The following SLITRK2 variants were observed in gnomAD, a reference collection of about 807,000 sequenced individuals.
The protein encoded by SLITRK2 is SLIT and NTRK like family member 2, also known as SLIT and NTRK-like protein 2.
In SLITRK2, 13 loss-of-function variants were observed where a neutral mutation model predicts 35.4. That is an observed-to-expected ratio of 0.37 (90% CI 0.24 to 0.58). The LOEUF is 0.58. Among genes scored for constraint, SLITRK2 ranks in the 20% least tolerant of loss-of-function variants. The probability of loss-of-function intolerance (pLI) is 0.75; values close to 1 mark genes in which losing one functional copy is unlikely to be tolerated. For synonymous variants in SLITRK2, 294 were observed against 264.7 expected (o/e 1.11, Z -1.07); for missense variants, 471 against 634.3 (o/e 0.74, Z 2.76).
Position 145,824,370 on chromosome X carries a change from G to A in SLITRK2, c.1945G>A (p.Gly649Arg), listed in dbSNP as rs2073081377. The A allele has an allele frequency of 1.7e-6, 2 of 1,208,906 alleles. No homozygotes were observed. The highest frequency in any genetic ancestry group is 2.2e-5 in the Admixed American group (1 of 45,575). The change falls in exon 5 of 5, where the codon GGA becomes AGA. Residue 649 changes from glycine (G) to arginine (R), a missense_variant. By Grantham distance (125) the Gly-to-Arg change is moderately radical (BLOSUM62 -2). Around this residue, in one of 7 missense-constraint regions of SLITRK2, gnomAD observed 190 missense variants for 199.3 expected, o/e 0.95. Transcript: ENST00000335565. ...LFVFVLKRRK[G>R]VPSVPRNTNN... ...CGTCTTTGTCTTGAAACGCCGAAAG[G>A]GAGTGCCGAGCGTTCCCAGGAATAC... is the stretch of plus-strand genomic sequence containing the variant.
rs1223994758 is a variant in SLITRK2 at position 145,821,873 on chromosome X, T to C, written c.-204T>C. The C allele has an allele frequency of 8.9e-6, 1 of 111,756 alleles. No individual in the cohort carries two copies. The highest frequency in any genetic ancestry group is 1.9e-5 in the Non-Finnish European group (1 of 53,704). The allele number at this position is 111,756 out of a possible 1,213,427, so 9.2% of individuals were successfully genotyped here. A position where few individuals can be genotyped will look rare whatever the true frequency, so the allele number is the denominator to read the frequency against. On this transcript the variant is annotated 5_prime_UTR_variant, in exon 3 of 5. Transcript: ENST00000335565. Reference sequence around the variant, plus strand: ...GACTGCAGAGGAGAGGGATTCAGTCTTCTCCTGATGTGTGAGTAACCCCCA... The same window carrying C: ...GACTGCAGAGGAGAGGGATTCAGTCCTCTCCTGATGTGTGAGTAACCCCCA...
chrX:145,822,492 A>G lies in SLITRK2; in HGVS notation c.67A>G (p.Lys23Glu). The G allele has an allele frequency of 8.3e-7, 1 of 1,211,230 alleles. No individual in the cohort carries two copies. The highest frequency in any genetic ancestry group is 1.1e-6 in the Non-Finnish European group (1 of 895,151). ...CGGGATCTTACAGACAGAGAGTCGC[A>G]AAACTGCCAAAGACATTTGCAAGAT... The part of the protein sequence containing the change: ...VAGILQTESR[K>E]TAKDICKIRC... Residue 23 changes from lysine to glutamate, a missense_variant, in exon 5 of 5, where the codon AAA (lysine) becomes GAA (glutamate). Physicochemically the swap from Lys to Glu is moderately conservative, Grantham distance 56. Transcript: ENST00000335565.
Position 145,827,176 on chromosome X carries a change from A to G in SLITRK2, c.*2213A>G, listed in dbSNP as rs2073134265. ...CATTTCACAGAAGAGGAACTAGAAT[A>G]TTATGCTAGTTGAATGTGGAGAAGA... On this transcript the variant is annotated 3_prime_UTR_variant, in exon 5 of 5. Transcript: ENST00000335565. 1.8e-5 allele frequency: 2 copies of G among 111,928 alleles called. No homozygotes were observed. The highest frequency in any genetic ancestry group is 7.4e-4 in the South Asian group (2 of 2,716). The allele number at this position is 111,928 out of a possible 1,213,427, so 9.2% of individuals were successfully genotyped here.
rs1556946151 is a variant in SLITRK2, at chrX:145,827,751, T to C, written c.*2788T>C. 1 of 1,204,762 alleles carries C rather than the reference T, an allele frequency of 8.3e-7. No individual in the cohort carries two copies. Among genetic ancestry groups the C allele is most frequent in the African/African-American group, 1.7e-5 (1 of 57,266 alleles). ...GAACCTTTATTTTCTAATGCAATCA[T>C]AAACATTTTAAGTTTTATTAACTCA... On this transcript the variant is annotated 3_prime_UTR_variant, in exon 5 of 5. Transcript: ENST00000335565.
chrX:145,827,408 C>T lies in SLITRK2; in HGVS notation c.*2445C>T, dbSNP rs2073136024. 2 of 203,325 alleles carry T rather than the reference C, an allele frequency of 9.8e-6. No homozygotes were observed. Among genetic ancestry groups the T allele is most frequent in the Admixed American group, 6.9e-5 (1 of 14,458 alleles). 16.8% of individuals were successfully genotyped at this position (203,325 alleles called of 1,213,427 possible). ...ATTATATGACTAGAGGCTCTTGATGCAGTGATTCCACTTCAGTGTTCATTT... is the reference window on the plus strand; with the variant it reads ...ATTATATGACTAGAGGCTCTTGATGTAGTGATTCCACTTCAGTGTTCATTT... On this transcript the variant is annotated 3_prime_UTR_variant, in exon 5 of 5. Transcript: ENST00000335565.
In SLITRK2 at chrX:145,825,304, G is replaced by A. The variant is rs1196822911; in HGVS notation, c.*341G>A. 1 of 192,074 alleles carries A rather than the reference G, an allele frequency of 5.2e-6. No homozygotes were observed. Among genetic ancestry groups the A allele is most frequent in the Non-Finnish European group, 1.0e-5 (1 of 100,138 alleles). The allele number at this position is 192,074 out of a possible 1,213,427, so 15.8% of individuals were successfully genotyped here. ...TCTTTTTTCTTCTTTGTTTTTCAGT[G>A]TGGGAGTGGGAAGAGGAGATTATAG... is the stretch of plus-strand genomic sequence containing the variant. On this transcript the variant is annotated 3_prime_UTR_variant, in exon 5 of 5. Coordinates refer to ENST00000335565, the MANE Select transcript of SLITRK2 (RefSeq NM_032539.5).
At position 145,826,250 on chromosome X, in the gene SLITRK2, C is replaced by T. The variant is rs2073125880; in HGVS notation, c.*1287C>T. ...TTTATTTTAGATCACGGGTTAGACT[C>T]ATAATCCTTCTCAAGTTTAACACTT... On this transcript the variant is annotated 3_prime_UTR_variant, in exon 5 of 5. Coordinates refer to ENST00000335565, the MANE Select transcript of SLITRK2 (RefSeq NM_032539.5). The T allele has an allele frequency of 8.9e-6, 1 of 111,748 alleles. No individual in the cohort carries two copies. Among genetic ancestry groups the T allele is most frequent in the Non-Finnish European group, 1.9e-5 (1 of 53,119 alleles). The allele number at this position is 111,748 out of a possible 1,213,427, so 9.2% of individuals were successfully genotyped here.
Position 145,828,197 on chromosome X carries a change from C to T in SLITRK2, c.*3234C>T, listed in dbSNP as rs1476366112. 1 of 377,304 alleles carries T rather than the reference C, an allele frequency of 2.7e-6. No individual in the cohort carries two copies. The highest frequency in any genetic ancestry group is 2.6e-5 in the African/African-American group (1 of 38,317). 31.1% of individuals were successfully genotyped at this position (377,304 alleles called of 1,213,427 possible). On this transcript the variant is annotated 3_prime_UTR_variant, in exon 5 of 5. Coordinates refer to ENST00000335565, the MANE Select transcript of SLITRK2 (RefSeq NM_032539.5). ...TGTGTGCCTTGTTAGTTCTCTCCAG[C>T]AGCTGGTGAGTAAGGAAATGACCCT... is the stretch of plus-strand genomic sequence containing the variant.
At chrX:145,820,105 A>G (rs1175026823) in intron 1 of SLITRK2, 4 of 112,015 alleles carry the variant, frequency 3.6e-5, no homozygotes, top group South Asian at 3.8e-4. Context: ...GTGTTTATCT[A>G]TTCCACATTT....
At chrX:145,822,224 A>G (rs1417406995) in intron 4 of SLITRK2, 71 bp downstream of exon 4, 1 of 408,860 alleles carries the variant, frequency 2.4e-6, no homozygotes, top group Non-Finnish European at 4.2e-6. Context: ...AGCGGAGAAA[A>G]GAAACCGCTT....
Position 145,826,561 on chromosome X carries a change from A to G in SLITRK2, c.*1598A>G. On this transcript the variant is annotated 3_prime_UTR_variant, in exon 5 of 5. Coordinates refer to ENST00000335565, the MANE Select transcript of SLITRK2 (RefSeq NM_032539.5). ...GTAAATAATTTTAGATGCAAACGTG[A>G]TTGTGTGATTTAAACAAACAGCCCT... 8.9e-6 allele frequency: 1 copy of G among 112,170 alleles called. No homozygotes were observed. The highest frequency in any genetic ancestry group is 2.8e-4 in the East Asian group (1 of 3,577). 9.2% of individuals were successfully genotyped at this position (112,170 alleles called of 1,213,427 possible).
At position 145,827,354 on chromosome X, in the gene SLITRK2, T is replaced by G. The variant is rs2124226951; in HGVS notation, c.*2391T>G. ...GATTGTGAAGGCAAATTTGCATATA[T>G]ATTCTGTTAAGATCATTTTCAGGCT... is the stretch of plus-strand genomic sequence containing the variant. On this transcript the variant is annotated 3_prime_UTR_variant, in exon 5 of 5. Coordinates refer to ENST00000335565, the MANE Select transcript of SLITRK2 (RefSeq NM_032539.5). 1 of 136,760 alleles carries G rather than the reference T, an allele frequency of 7.3e-6. No individual in the cohort carries two copies. Among genetic ancestry groups the G allele is most frequent in the South Asian group, 2.7e-4 (1 of 3,719 alleles). 11.3% of individuals were successfully genotyped at this position (136,760 alleles called of 1,213,427 possible). A position where few individuals can be genotyped will look rare whatever the true frequency, so the allele number is the denominator to read the frequency against.
In SLITRK2 at chrX:145,824,393, T is replaced by C. The variant is rs368737419; in HGVS notation, c.1968T>C (p.Asn656=). The change falls in exon 5 of 5, where the codon AAT becomes AAC. Residue 656 remains asparagine (N), a synonymous_variant. Coordinates refer to ENST00000335565, the MANE Select transcript of SLITRK2 (RefSeq NM_032539.5). ...RRKGVPSVPR[N]TNNLDVSSFQ... is the part of the protein sequence containing the mutation. ...AGGGAGTGCCGAGCGTTCCCAGGAA[T>C]ACCAACAACTTAGACGTAAGCTCCT... is the stretch of plus-strand genomic sequence containing the variant. 2 of 1,208,898 alleles carry C rather than the reference T, an allele frequency of 1.7e-6. No individual in the cohort carries two copies. The highest frequency in any genetic ancestry group is 1.8e-5 in the South Asian group (1 of 56,713).
In SLITRK2 at chrX:145,827,570, C is replaced by A; in HGVS notation, c.*2607C>A. On this transcript the variant is annotated 3_prime_UTR_variant, in exon 5 of 5. Coordinates refer to ENST00000335565, the MANE Select transcript of SLITRK2 (RefSeq NM_032539.5). Reference sequence around the variant, plus strand: ...ATTTTAAAGACGCCTACTGAGAGAACTCAAATTTATAAACTCTGTTGCCTA... The same window carrying A: ...ATTTTAAAGACGCCTACTGAGAGAAATCAAATTTATAAACTCTGTTGCCTA... 1 of 762,855 alleles carries A rather than the reference C, an allele frequency of 1.3e-6. No individual in the cohort carries two copies. Among genetic ancestry groups the A allele is most frequent in the Non-Finnish European group, 1.8e-6 (1 of 554,133 alleles). The allele number at this position is 762,855 out of a possible 1,213,427, so 62.9% of individuals were successfully genotyped here. A position where few individuals can be genotyped will look rare whatever the true frequency, so the allele number is the denominator to read the frequency against.
rs782100035 is a variant in SLITRK2, at chrX:145,822,725, G to T, written c.300G>T (p.Glu100Asp). 6.6e-6 allele frequency: 8 copies of T among 1,211,152 alleles called. No individual in the cohort carries two copies. Among genetic ancestry groups the T allele is most frequent in the Admixed American group, 2.2e-5 (1 of 46,009 alleles). Residue 100 changes from glutamate (E) to aspartate (D), a missense_variant, in exon 5 of 5, where the codon GAG (glutamate) becomes GAT (aspartate). By Grantham distance (45) the Glu-to-Asp change is conservative (BLOSUM62 2). This residue lies in a region of SLITRK2 where 98 missense variants were observed against 120.6 expected (regional missense o/e 0.81). Coordinates refer to ENST00000335565, the MANE Select transcript of SLITRK2 (RefSeq NM_032539.5). Reference protein sequence around the residue: ...TLHLGNNGLQEIRTGAFSGLK... With the variant: ...TLHLGNNGLQDIRTGAFSGLK... ...ACCTAGGTAACAACGGGTTACAGGA[G>T]ATCCGAACGGGGGCATTCAGTGGCC...
intron 2 of SLITRK2, 48 bp from the exon 3 acceptor site, chrX:145,821,300 C>T (rs1197221447): frequency 1.8e-5 from 2 of 109,357 alleles, no homozygotes; most frequent in Non-Finnish European, 3.8e-5. Flanking sequence ...TTAGCAGGGC[C>T]CCTCCTTGAG....
chrX:145,823,322 G>A lies in SLITRK2; in HGVS notation c.897G>A (p.Pro299=), dbSNP rs782289726. The A allele has an allele frequency of 6.6e-6, 8 of 1,211,323 alleles. No individual in the cohort carries two copies. In the East Asian group the frequency reaches 8.9e-5, roughly 13 times the overall value. The change falls in exon 5 of 5, where the codon CCG becomes CCA. Residue 299 remains proline (P), a synonymous_variant. Coordinates refer to ENST00000335565, the MANE Select transcript of SLITRK2 (RefSeq NM_032539.5). ...MNPALNPTRA[P]KASRPPKMRN... Reference sequence around the variant, plus strand: ...CTGCTCTCAACCCAACCAGGGCTCCGAAAGCCAGCCGGCCGCCCAAAATGA... The same window carrying A: ...CTGCTCTCAACCCAACCAGGGCTCCAAAAGCCAGCCGGCCGCCCAAAATGA...
rs782743433 is a variant in SLITRK2 at position 145,824,006 on chromosome X, G to A, written c.1581G>A (p.Gln527=). The part of the protein sequence containing the change: ...QLPAFIQIDL[Q]ENPWDCTCDI... ...CGGCTTTCATCCAGATAGATCTGCAGGAGAACCCCTGGGACTGTACCTGTG... is the reference window on the plus strand; with the variant it reads ...CGGCTTTCATCCAGATAGATCTGCAAGAGAACCCCTGGGACTGTACCTGTG... The change falls in exon 5 of 5, where the codon CAG becomes CAA. Residue 527 remains glutamine, a synonymous_variant. Coordinates refer to ENST00000335565, the MANE Select transcript of SLITRK2 (RefSeq NM_032539.5). The A allele has an allele frequency of 5.0e-6, 6 of 1,207,819 alleles. No homozygotes were observed. In the African/African-American group the frequency reaches 7.0e-5, roughly 14 times the overall value.
At position 145,829,448 on chromosome X, in the gene SLITRK2, T is replaced by A. The variant is rs1289973399; in HGVS notation, c.*4485T>A. 1.6e-5 allele frequency: 2 copies of A among 123,072 alleles called. No homozygotes were observed. Among genetic ancestry groups the A allele is most frequent in the African/African-American group, 6.5e-5 (2 of 30,816 alleles). 10.1% of individuals were successfully genotyped at this position (123,072 alleles called of 1,213,427 possible). On this transcript the variant is annotated 3_prime_UTR_variant, in exon 5 of 5. Transcript: ENST00000335565. ...GGCTAACGGCTTGTGCTTGAAAGTC[T>A]TCTGAAGTCTGATGTGAATTGAGCT...
Sources: gnomAD v4.1 joint callset for allele counts on GRCh38, gnomAD v4.1.1 for gene constraint, gnomAD v4.1.1 regional missense constraint, MANE v1.5 for transcripts, NCBI Gene and HGNC (gene_info 2026-07-23, HGNC 2026-07-21) for gene names.